GAS6: variants seen among roughly 807,000 people sequenced by gnomAD.
GAS6 encodes the protein growth arrest specific 6, also known as growth arrest-specific protein 6.
GAS6 carries 41 observed loss-of-function variants against 75.8 expected under a neutral mutation model. That is an observed-to-expected ratio of 0.54 (90% CI 0.42 to 0.70). GAS6 has a LOEUF of 0.70. Ranked by LOEUF, GAS6 falls within the 30% of genes least tolerant of loss-of-function variation. GAS6 has a pLI of 0.00. For missense variants in GAS6, 854 were observed against 940.2 expected (o/e 0.91, Z 1.20); for synonymous variants, 432 against 412.6 (o/e 1.05, Z -0.57).
At chr13:113,835,905 G>A in intron 6 of GAS6, 7 of 1,298,470 alleles carry the variant, frequency 5.4e-6, no homozygotes, top group South Asian at 4.3e-5. Context: ...TGGTGGAGGG[G>A]TGGGGGGCGG....
intron 12 of GAS6, among the ~76,000 whole-genome samples, chr13:113,826,664 G>A (rs1291332002): frequency 8.6e-6 from 1 of 115,776 alleles, no homozygotes; most frequent in Non-Finnish European, 1.7e-5. Context: ...CGCCGGCCTC[G>A]CAGGCACCTT....
At chr13:113,828,165 G>A (rs529209592) in intron 11 of GAS6, among the ~76,000 whole-genome samples, 6 of 152,154 alleles carry the variant, frequency 3.9e-5, no homozygotes, top group Non-Finnish European at 8.8e-5. Context: ...CTGGGAGGCT[G>A]AGGCAGGAGA....
chr13:113,822,223 C>T, intron 13 of GAS6, 37 bp from the exon 14 acceptor site: 1 of 1,462,922 alleles, frequency 6.8e-7, no homozygotes, highest in Non-Finnish European at 9.2e-7. Flanking sequence ...GCCTGCCGGC[C>T]ACCCCTACGT....
At position 113,847,889 on chromosome 13, in the gene GAS6, G is replaced by A. The variant is rs1043719134; in HGVS notation, c.280+137C>T. ...CTTGTGTTTCTGACCTGCATGTTCC[G>A]GACAGTTCCACGTGCACCATGTGAT... On this transcript the variant is annotated intron_variant, in intron 3 of 14. Transcript: ENST00000327773. The A allele has an allele frequency of 6.5e-5, 52 of 803,064 alleles. No individual in the cohort carries two copies. In the East Asian group the frequency reaches 6.9e-4, roughly 11 times the overall value. The allele number at this position is 803,064 out of a possible 1,614,324, so 49.7% of individuals were successfully genotyped here.
At chr13:113,824,886 C>A (rs7399620) in intron 12 of GAS6, among the ~76,000 whole-genome samples, 1 of 151,958 alleles carries the variant, frequency 6.6e-6, no homozygotes, top group East Asian at 1.9e-4. Context: ...GCCGGTCTTC[C>A]CATAACCTGT....
chr13:113,860,337 G>A (rs1400949616), intron 2 of GAS6, among the ~76,000 whole-genome samples: 1 of 152,222 alleles, frequency 6.6e-6, no homozygotes, highest in Non-Finnish European at 1.5e-5. Context: ...ATGGGATCAG[G>A]AACCACAGCC....
intron 2 of GAS6, among the ~76,000 whole-genome samples, chr13:113,857,673 C>G (rs1453870999): frequency 6.6e-6 from 1 of 152,240 alleles, no homozygotes; most frequent in Non-Finnish European, 1.5e-5. Flanking sequence ...TACTCAGAAT[C>G]TCAAGAAAGA....
chr13:113,825,118 T>A (rs2051518158), intron 12 of GAS6, among the ~76,000 whole-genome samples: 2 of 150,428 alleles, frequency 1.3e-5, no homozygotes, highest in African/African-American at 4.9e-5. Context: ...CTCGGGAGGC[T>A]GAGGCAGGAG....
intron 7 of GAS6, 53 bp from the exon 8 acceptor site, chr13:113,834,725 G>T: frequency 7.2e-7 from 1 of 1,393,572 alleles, no homozygotes; most frequent in Non-Finnish European, 9.4e-7. Context: ...ACGCTGTCCC[G>T]CCGTGGGATC....
intron 13 of GAS6, chr13:113,823,083 G>T (rs764674473): frequency 2.0e-5 from 7 of 350,330 alleles, no homozygotes; most frequent in Non-Finnish European, 2.6e-5. Flanking sequence ...AATTCAGATT[G>T]CTGTGAGCCA....
At chr13:113,854,069 C>T (rs1204272051) in intron 2 of GAS6, among the ~76,000 whole-genome samples, 1 of 152,198 alleles carries the variant, frequency 6.6e-6, no homozygotes, top group Admixed American at 6.5e-5. Context: ...ACCCGGCATG[C>T]CCATCTGCAC....
In GAS6 at chr13:113,837,787, C is replaced by T. The variant is rs530360525; in HGVS notation, c.589+282G>A. On this transcript the variant is annotated intron_variant, in intron 6 of 14. Transcript: ENST00000327773. The surrounding 1 kb of genome is among the most constrained non-coding windows in gnomAD (Gnocchi z 5.1). ...GAGCACTTCCAGGCTCTGTGAGGCT[C>T]TGGGGAATGGACGAGGCCCTACAGC... is the stretch of plus-strand genomic sequence containing the variant. Among the ~76,000 whole-genome samples, 99 of 152,262 alleles carry T rather than the reference C, an allele frequency of 6.5e-4. No homozygotes were observed. Among genetic ancestry groups the T allele is most frequent in the African/African-American group, 2.3e-3 (96 of 41,556 alleles).
chr13:113,826,487 C>T (rs1424028091), intron 12 of GAS6, among the ~76,000 whole-genome samples: 2 of 127,156 alleles, frequency 1.6e-5, no homozygotes, highest in African/African-American at 2.9e-5. Context: ...CTTCTCTCCC[C>T]GGCCTCCCGG....
intron 12 of GAS6, 69 bp from the exon 13 acceptor site, chr13:113,823,619 G>T (rs2051490985): frequency 6.8e-7 from 1 of 1,462,552 alleles, no homozygotes; most frequent in Non-Finnish European, 9.3e-7. Flanking sequence ...TCGGAGCAGG[G>T]CCTCGAGAGA....
rs775348186 is a variant in GAS6 at position 113,824,170 on chromosome 13, G to A, written c.1478-620C>T. On this transcript the variant is annotated intron_variant, in intron 12 of 14. Coordinates refer to ENST00000327773, the MANE Select transcript of GAS6 (RefSeq NM_000820.4). ...AGCTGTCGGGAGCACGCGTGGTCTG[G>A]GGTCTGAGCTGTCAGGAGCACCCGC... 7.9e-5 allele frequency among the ~76,000 whole-genome samples: 11 copies of A among 139,902 alleles called. 2 individuals carry two copies. The highest frequency in any genetic ancestry group is 1.3e-4 in the African/African-American group (5 of 37,086). 91.8% of individuals were successfully genotyped at this position (139,902 alleles called of 152,430 possible).
chr13:113,848,881 G>C lies in GAS6; in HGVS notation c.256-831C>G, dbSNP rs552583624. The stretch of plus-strand genomic sequence containing the variant: ...TCAGGAATGAGGAAACCCGGCTTCA[G>C]GATGGTTGTGGGATTCACCTGGGGG... On this transcript the variant is annotated intron_variant, in intron 2 of 14. Coordinates refer to ENST00000327773, the MANE Select transcript of GAS6 (RefSeq NM_000820.4). The surrounding 1 kb of genome is among the most constrained non-coding windows in gnomAD (Gnocchi z 4.8). Among the ~76,000 whole-genome samples, 1 of 152,240 alleles carries C rather than the reference G, an allele frequency of 6.6e-6. No individual in the cohort carries two copies. Among genetic ancestry groups the C allele is most frequent in the South Asian group, 2.1e-4 (1 of 4,830 alleles).
intron 7 of GAS6, among the ~76,000 whole-genome samples, chr13:113,835,246 G>A (rs1378060400): frequency 2.6e-5 from 4 of 152,254 alleles, no homozygotes; most frequent in African/African-American, 9.6e-5. Flanking sequence ...TATGCAGGTG[G>A]AGAAGGGTAC....
At chr13:113,852,987 C>T (rs59684204) in intron 2 of GAS6, among the ~76,000 whole-genome samples, 3 of 152,122 alleles carry the variant, frequency 2.0e-5, no homozygotes, top group African/African-American at 4.8e-5. Context: ...TCCAAGGGGC[C>T]GGGGGGACTC....
In GAS6 at chr13:113,848,083, G is replaced by T. The variant is rs2051847631; in HGVS notation, c.256-33C>A. The T allele has an allele frequency of 1.2e-6, 2 of 1,610,548 alleles. No homozygotes were observed. Among genetic ancestry groups the T allele is most frequent in the South Asian group, 2.2e-5 (2 of 90,892 alleles). ...AAAAGAAAAAGAAAAGGCAAGCATT[G>T]ACCGGCACACTACGAGGGTCTCTGA... On this transcript the variant is annotated intron_variant, in intron 2 of 14. Transcript: ENST00000327773. This position sits in a 1 kb window ranked among gnomAD's most constrained non-coding sequence, Gnocchi z 4.8.
Sources: allele counts gnomAD v4.1 joint callset (sites outside exome capture counted in the v4.1 genomes callset), GRCh38; gene constraint gnomAD v4.1.1; non-coding constraint Gnocchi (gnomAD v3.1); transcripts MANE v1.5; gene names NCBI Gene and HGNC (gene_info 2026-07-23, HGNC 2026-07-21).